DNAH7: variants seen among roughly 807,000 people sequenced by gnomAD.
DNAH7 encodes the protein dynein axonemal heavy chain 7.
Under a neutral mutation model 444.6 loss-of-function variants are expected in DNAH7, and 397 were observed. That is an observed-to-expected ratio of 0.89 (90% confidence interval 0.82 to 0.97). The LOEUF (loss-of-function observed/expected upper bound fraction) is 0.97. Among genes scored for constraint, DNAH7 ranks in the 50% least tolerant of loss-of-function variants. The pLI, the probability that DNAH7 is intolerant of heterozygous loss-of-function variation, is 0.00. For synonymous variants in DNAH7, 1,636 were observed against 1,624.4 expected (o/e 1.01, Z -0.17); for missense variants, 4,902 against 4,800.8 (o/e 1.02, Z -0.62).
chr2:196,044,456 G>A (rs1030346822), intron 5 of DNAH7, among the ~76,000 whole-genome samples: 1 of 150,328 alleles, frequency 6.7e-6, no homozygotes, highest in Admixed American at 6.7e-5. Flanking sequence ...AGGGTGCAGG[G>A]GGGTGAGGGA....
intron 22 of DNAH7, among the ~76,000 whole-genome samples, chr2:195,924,681 A>T (rs1688223599): frequency 3.4e-5 from 2 of 59,136 alleles, no homozygotes; most frequent in South Asian, 1.7e-3. Context: ...TCCTGTTTAG[A>T]TCCTATGAGT....
intron 1 of DNAH7, 122 bp downstream of exon 1, chr2:196,068,575 G>GA (rs1698561334): frequency 7.7e-7 from 1 of 1,300,640 alleles, no homozygotes; most frequent in South Asian, 1.4e-5. Context: ...TGGGGTGAAG[G>GA]AAGCTGTACA....
At chr2:195,912,515 A>C (rs1259449936) in intron 24 of DNAH7, among the ~76,000 whole-genome samples, 1 of 152,182 alleles carries the variant, frequency 6.6e-6, no homozygotes, top group East Asian at 1.9e-4. Context: ...CTGAAACAGG[A>C]GAAAATCCCC....
At position 195,855,989 on chromosome 2, in the gene DNAH7, A is replaced by C; in HGVS notation, c.8417T>G (p.Val2806Gly). The stretch of plus-strand genomic sequence containing the variant: ...CTTTTTGGGAGCTACTATTTTTGCC[A>C]CTCTGCAAAAAGTAAAATTGAAAAA... ...WVIAMDSYDK[V>G]AKIVAPKKIK... Residue 2806 changes from valine to glycine, a missense_variant and splice_region_variant, in exon 45 of 65, where the codon GTG becomes GGG. By Grantham distance (109) the Val-to-Gly change is moderately radical. Coordinates refer to ENST00000312428, the MANE Select transcript of DNAH7 (RefSeq NM_018897.3). The C allele has an allele frequency of 1.2e-6, 2 of 1,605,008 alleles. No individual in the cohort carries two copies. Among genetic ancestry groups the C allele is most frequent in the Non-Finnish European group, 8.5e-7 (1 of 1,176,648 alleles).
chr2:195,875,584 C>T (rs1701001738), intron 38 of DNAH7, 91 bp downstream of exon 38: 2 of 1,215,106 alleles, frequency 1.6e-6, no homozygotes, highest in Admixed American at 5.2e-5. Context: ...CAAAACACTG[C>T]AACTCAAAAG....
chr2:195,893,111 T>C (rs1702113857), intron 30 of DNAH7: 1 of 148,370 alleles, frequency 6.7e-6, no homozygotes, highest in African/African-American at 2.4e-5. Context: ...GCCCAGCTAA[T>C]TTTTTGTGTT....
chr2:195,913,745 C>T (rs1316085978), intron 24 of DNAH7, among the ~76,000 whole-genome samples: 3 of 152,158 alleles, frequency 2.0e-5, no homozygotes, highest in Non-Finnish European at 4.4e-5. Flanking sequence ...GACGGAGTCT[C>T]GCTCTGTCGT....
rs188026548 is a variant in DNAH7, at chr2:195,982,512, G to T, written c.1833+2120C>A. Among the ~76,000 whole-genome samples, 408 of 152,324 alleles carry T rather than the reference G, an allele frequency of 2.7e-3. 5 individuals carry two copies. Among genetic ancestry groups the T allele is most frequent in the Non-Finnish European group, 4.3e-4 (29 of 68,030 alleles). On this transcript the variant is annotated intron_variant, in intron 15 of 64. Transcript: ENST00000312428. ...CCCAATGAAGGGAAATCAGTATATT[G>T]AAGAGATATCTGCACTCCTATGTTT...
At position 195,906,928 on chromosome 2, in the gene DNAH7, G is replaced by A; in HGVS notation, c.4186C>T (p.Gln1396Ter). 1 of 1,612,892 alleles carries A rather than the reference G, an allele frequency of 6.2e-7. No individual in the cohort carries two copies. The highest frequency in any genetic ancestry group is 8.5e-7 in the Non-Finnish European group (1 of 1,179,408). ...DLEVLSVVAQ[Q>*]ILTIQRGINA... ...TTACCTCTTTGGATAGTAAGGATTT[G>A]TTGAGCAACCACAGAGAGTACTTCC... is the stretch of plus-strand genomic sequence containing the variant. The change falls in exon 26 of 65, where the codon CAA (glutamine) becomes TAA (stop). Residue 1396 changes from glutamine (Q) to a stop codon, truncating the protein, a stop_gained. Coordinates refer to ENST00000312428, the MANE Select transcript of DNAH7 (RefSeq NM_018897.3). LOFTEE classifies it high-confidence loss of function.
intron 36 of DNAH7, 42 bp from the exon 37 acceptor site, chr2:195,876,741 GT>G: frequency 7.2e-7 from 1 of 1,384,628 alleles, no homozygotes; most frequent in South Asian, 1.3e-5. Flanking sequence ...TTGGAATTAT[GT>G]TTTGACATTT....
intron 15 of DNAH7, among the ~76,000 whole-genome samples, chr2:195,979,377 G>T (rs761062022): frequency 1.3e-5 from 2 of 152,130 alleles, no homozygotes; most frequent in Non-Finnish European, 2.9e-5. Context: ...AATGATCAGT[G>T]AGTCAATGAA....
At chr2:195,841,514 TAAAAA>T (rs1290043260) in intron 47 of DNAH7, among the ~76,000 whole-genome samples, 2 of 151,894 alleles carry the variant, frequency 1.3e-5, no homozygotes, top group Non-Finnish European at 2.9e-5. Context: ...TCAATGTAGA[TAAAAA>T]AGAAAATACT....
intron 7 of DNAH7, among the ~76,000 whole-genome samples, chr2:196,025,888 TC>T (rs1457746888): frequency 1.2e-4 from 18 of 152,260 alleles, no homozygotes; most frequent in African/African-American, 4.3e-4. Context: ...GAACACAGCA[TC>T]CGTCATACTA....
chr2:196,058,191 CA>C, intron 1 of DNAH7, 75 bp from the exon 2 acceptor site: 1 of 1,212,134 alleles, frequency 8.2e-7, no homozygotes, highest in East Asian at 2.4e-5. Context: ...CCAAATTTTA[CA>C]GTGTTTATTG....
chr2:195,918,285 C>A (rs1237711818), intron 24 of DNAH7, among the ~76,000 whole-genome samples: 2 of 152,150 alleles, frequency 1.3e-5, no homozygotes, highest in Non-Finnish European at 2.9e-5. Context: ...ATTGACAACA[C>A]CAGATAGGAA....
chr2:195,823,537 A>C, intron 49 of DNAH7, among the ~76,000 whole-genome samples: 1 of 152,174 alleles, frequency 6.6e-6, no homozygotes, highest in East Asian at 1.9e-4. Flanking sequence ...ATTTGAATTC[A>C]CTATATAACT....
chr2:196,044,234 C>A lies in DNAH7; in HGVS notation c.398+3118G>T, dbSNP rs564252603. Among the ~76,000 whole-genome samples the A allele has an allele frequency of 1.9e-3, 274 of 147,764 alleles. 1 individual carries two copies. The highest frequency in any genetic ancestry group is 6.4e-3 in the African/African-American group (247 of 38,694). On this transcript the variant is annotated intron_variant, in intron 5 of 64. Coordinates refer to ENST00000312428, the MANE Select transcript of DNAH7 (RefSeq NM_018897.3). ...GTGTGTGTGTGTGTGTGTATACATA[C>A]ACACACACATACACCATGGAATACT...
Position 195,744,292 on chromosome 2 carries a change from G to A in DNAH7, c.11765-3423C>T, listed in dbSNP as rs576364318. On this transcript the variant is annotated intron_variant, in intron 63 of 64. Transcript: ENST00000312428. ...CAGCAGTCTGAGATCAAACTGCAAG[G>A]CGGCAGTGAGGCTGGGGGAGGGGCG... Among the ~76,000 whole-genome samples, 595 of 152,328 alleles carry A rather than the reference G, an allele frequency of 3.9e-3. 6 individuals carry two copies. The highest frequency in any genetic ancestry group is 0.013 in the African/African-American group (561 of 41,576).
intron 40 of DNAH7, among the ~76,000 whole-genome samples, chr2:195,871,930 C>CA (rs553845281): frequency 0.031 from 780 of 24,794 alleles, 331 homozygotes; most frequent in Non-Finnish European, 0.087. Context: ...GACTCCGTCT[C>CA]AAAAAAAAAA....
Sources: gnomAD v4.1 joint callset for allele counts (sites outside exome capture counted in the v4.1 genomes callset) on GRCh38, gnomAD v4.1.1 for gene constraint, MANE v1.5 for transcripts, NCBI Gene and HGNC (gene_info 2026-07-23, HGNC 2026-07-21) for gene names.